The following CBX1 variants were observed in gnomAD, a reference collection of about 807,000 sequenced individuals.
The protein encoded by CBX1 is chromobox 1.
In CBX1, 10 loss-of-function variants were observed where a neutral mutation model predicts 25.1. The observed-to-expected ratio is 0.40, with a 90% CI of 0.25 to 0.68. The LOEUF (loss-of-function observed/expected upper bound fraction) is 0.68, where lower values mean the gene tolerates loss of function less well. CBX1 is among the 30% of genes least tolerant of loss of function. CBX1 has a pLI of 0.40. For synonymous variants in CBX1, 63 were observed against 79.4 expected (o/e 0.79, Z 1.10); for missense variants, 106 against 218.5 (o/e 0.49, Z 3.25).
chr17:48,089,684 G>A lies in CBX1; in HGVS notation c.-38+11584C>T, dbSNP rs143900800. The stretch of plus-strand genomic sequence containing the variant: ...ACTAAAAATACAAAATTAGCTGGGC[G>A]TGGTGGCACATATCTGTAATCCCAG... On this transcript the variant is annotated intron_variant, in intron 1 of 4. Transcript: ENST00000225603. Among the ~76,000 whole-genome samples the A allele has an allele frequency of 8.7e-3, 1,273 of 146,622 alleles. 23 individuals carry two copies. The highest frequency in any genetic ancestry group is 0.03 in the African/African-American group (1,217 of 39,938).
chr17:48,095,865 C>T (rs2063372016), intron 1 of CBX1: 5 of 152,178 alleles, frequency 3.3e-5, no homozygotes, highest in Admixed American at 3.3e-4. Context: ...GAACTTATGC[C>T]ACACACAGTT....
At chr17:48,087,188 C>CAAA (rs71141963) in intron 1 of CBX1, among the ~76,000 whole-genome samples, 1 of 143,876 alleles carries the variant, frequency 7.0e-6, no homozygotes. Context: ...GACGCCATCT[C>CAAA]AAAAAAAAAA....
At chr17:48,079,878 G>A (rs569413385) in intron 1 of CBX1, among the ~76,000 whole-genome samples, 2 of 152,282 alleles carry the variant, frequency 1.3e-5, no homozygotes, top group South Asian at 2.1e-4. Context: ...TAAAAATTTG[G>A]AAAACAAGTG....
rs1171440586 is a variant in CBX1 at position 48,071,644 on chromosome 17, C to T, written c.414-65G>A. On this transcript the variant is annotated intron_variant, in intron 4 of 4. Transcript: ENST00000225603. ...TGGTGGTCTATCCTAAGTTGGATAA[C>T]CCAGGGGACAGTGCTTTAAAAATGG... 4 of 1,375,114 alleles carry T rather than the reference C, an allele frequency of 2.9e-6. No homozygotes were observed. The African/African-American group carries it at 5.8e-5, about 20-fold the overall frequency. The allele number at this position is 1,375,114 out of a possible 1,614,324, so 85.2% of individuals were successfully genotyped here.
At chr17:48,101,223 C>A in intron 1 of CBX1, 45 bp downstream of exon 1, 1 of 990,440 alleles carries the variant, frequency 1.0e-6, no homozygotes, top group Non-Finnish European at 1.2e-6. Flanking sequence ...GCCGCCGCCG[C>A]CGCGCCCCCT....
At chr17:48,080,521 G>A (rs796844379) in intron 1 of CBX1, among the ~76,000 whole-genome samples, 14 of 152,008 alleles carry the variant, frequency 9.2e-5, no homozygotes, top group African/African-American at 3.4e-4. Flanking sequence ...CCAATTTGAG[G>A]TTAAACTGGT....
intron 1 of CBX1, among the ~76,000 whole-genome samples, chr17:48,081,303 T>C (rs1322159711): frequency 1.3e-5 from 2 of 152,066 alleles, no homozygotes; most frequent in Admixed American, 6.6e-5. Flanking sequence ...CTCTACCTAC[T>C]GCAAGCTTAT....
chr17:48,080,129 A>T (rs2037716703), intron 1 of CBX1, among the ~76,000 whole-genome samples: 1 of 151,882 alleles, frequency 6.6e-6, no homozygotes, highest in African/African-American at 2.4e-5. Flanking sequence ...CTACGCCTCT[A>T]GGGTTCAAGT....
At chr17:48,075,848 A>T in intron 3 of CBX1, 153 bp downstream of exon 3, 1 of 548,668 alleles carries the variant, frequency 1.8e-6, no homozygotes, top group East Asian at 2.9e-5. Context: ...ATGTGGCTTC[A>T]TGACAGTACA....
intron 1 of CBX1, among the ~76,000 whole-genome samples, chr17:48,087,971 GTTAA>G (rs889929678): frequency 1.3e-5 from 2 of 151,636 alleles, no homozygotes; most frequent in African/African-American, 4.8e-5. Flanking sequence ...TTTTAAAGCA[GTTAA>G]TTTTTTCTAA....
intron 1 of CBX1, among the ~76,000 whole-genome samples, chr17:48,077,383 A>G (rs2037684516): frequency 6.7e-6 from 1 of 150,172 alleles, no homozygotes. Flanking sequence ...TCAGCTTCCC[A>G]AGCAGCTGGG....
chr17:48,076,211 C>CA (rs1467212969), intron 2 of CBX1, 33 bp from the exon 3 acceptor site: 2 of 1,490,906 alleles, frequency 1.3e-6, no homozygotes, highest in Non-Finnish European at 1.8e-6. Context: ...GTCACACTTT[C>CA]ACTCAAATAA....
intron 1 of CBX1, among the ~76,000 whole-genome samples, chr17:48,087,553 AAC>A (rs1476992665): frequency 6.6e-6 from 1 of 151,878 alleles, no homozygotes; most frequent in African/African-American, 2.4e-5. Flanking sequence ...CAGCCTGGGC[AAC>A]AGAGTGAGAC....
At chr17:48,077,256 CTTT>C (rs57789313) in intron 1 of CBX1, among the ~76,000 whole-genome samples, 4 of 141,600 alleles carry the variant, frequency 2.8e-5, no homozygotes, top group Admixed American at 7.1e-5. Flanking sequence ...TTACAGCAAA[CTTT>C]TTTTTTTTTT....
chr17:48,100,137 C>CAAAAAAAAAAAAAAAAA (rs543123998), intron 1 of CBX1, among the ~76,000 whole-genome samples: 6 of 56,884 alleles, frequency 1.1e-4, no homozygotes, highest in South Asian at 8.8e-4. Context: ...AGACTCTTCT[C>CAAAAAAAAAAAAAAAAA]AAAAAAAAAA....
In CBX1 at chr17:48,101,324, C is replaced by CGTCGG; in HGVS notation, c.-99_-95dup. 3 of 986,276 alleles carry CGTCGG rather than the reference C, an allele frequency of 3.0e-6. No individual in the cohort carries two copies. The highest frequency in any genetic ancestry group is 3.6e-6 in the Non-Finnish European group (3 of 830,018). 61.1% of individuals were successfully genotyped at this position (986,276 alleles called of 1,614,324 possible). A position where few individuals can be genotyped will look rare whatever the true frequency, so the allele number is the denominator to read the frequency against. On this transcript the variant is annotated 5_prime_UTR_variant, in exon 1 of 5. Coordinates refer to ENST00000225603, the MANE Select transcript of CBX1 (RefSeq NM_001127228.2). ...TCGGTGCTGCGCTGCTGGCGCGTCGCGTCGGGTCGCCTGGGGGAGTGGCGC... is the reference window on the plus strand; with the variant it reads ...TCGGTGCTGCGCTGCTGGCGCGTCGCGTCGGGTCGGGTCGCCTGGGGGAGTGGCGC...
chr17:48,075,900 T>C (rs532270152), intron 3 of CBX1, 101 bp downstream of exon 3: 2 of 886,004 alleles, frequency 2.3e-6, no homozygotes, highest in East Asian at 5.4e-5. Flanking sequence ...ATTTCAGGAC[T>C]AAGAAGAGAC....
intron 1 of CBX1, among the ~76,000 whole-genome samples, chr17:48,080,951 A>T (rs9908745): frequency 7.5e-4 from 25 of 33,250 alleles, no homozygotes; most frequent in African/African-American, 1.4e-3. Flanking sequence ...AAAAAAAAAA[A>T]ATATATATAT....
chr17:48,088,386 C>T (rs537459362), intron 1 of CBX1: 1 of 151,372 alleles, frequency 6.6e-6, no homozygotes, highest in South Asian at 2.1e-4. Flanking sequence ...TTTGGGAGGT[C>T]GAGGTGGGTG....
Sources: allele counts gnomAD v4.1 joint callset (sites outside exome capture counted in the v4.1 genomes callset), GRCh38; gene constraint gnomAD v4.1.1; transcripts MANE v1.5; gene names NCBI Gene and HGNC (gene_info 2026-07-23, HGNC 2026-07-21).